The following CRYL1 variants were observed in gnomAD, a reference collection of about 807,000 sequenced individuals.
The protein encoded by CRYL1 is lambda-crystallin homolog.
In CRYL1, 29 loss-of-function variants were observed where a neutral mutation model predicts 36.6. The observed-to-expected ratio is 0.79, with a 90% CI of 0.59 to 1.08. The LOEUF is 1.08. CRYL1 is among the 50% of genes least tolerant of loss of function. The pLI is 0.00. For synonymous variants in CRYL1, 152 were observed against 151.5 expected (o/e 1.00, Z -0.02); for missense variants, 411 against 407.9 (o/e 1.01, Z -0.06).
intron 3 of CRYL1, among the ~76,000 whole-genome samples, chr13:20,466,501 CCA>C (rs1415884062): frequency 6.6e-6 from 1 of 152,062 alleles, no homozygotes; most frequent in African/African-American, 2.4e-5. Context: ...TACTTCACAT[CCA>C]CACACACGCA....
intron 1 of CRYL1, among the ~76,000 whole-genome samples, chr13:20,518,932 G>A (rs768815024): frequency 5.3e-5 from 8 of 152,226 alleles, no homozygotes; most frequent in Non-Finnish European, 1.0e-4. Flanking sequence ...ACTCTGCTGG[G>A]AAAGACTAGC....
intron 3 of CRYL1, among the ~76,000 whole-genome samples, chr13:20,459,914 C>A (rs2032772403): frequency 6.6e-6 from 1 of 152,302 alleles, no homozygotes; most frequent in South Asian, 2.1e-4. Context: ...GGAAAATTAT[C>A]TGAAGTAGAA....
intron 3 of CRYL1, among the ~76,000 whole-genome samples, chr13:20,474,353 C>T (rs547244850): frequency 6.6e-6 from 1 of 152,288 alleles, no homozygotes; most frequent in East Asian, 1.9e-4. Context: ...CCAGCCGTTG[C>T]TGCATAGGGA....
At chr13:20,461,384 C>T (rs543589365) in intron 3 of CRYL1, among the ~76,000 whole-genome samples, 1 of 152,342 alleles carries the variant, frequency 6.6e-6, no homozygotes, top group South Asian at 2.1e-4. Flanking sequence ...GGGACCTATG[C>T]TATCTTCTAG....
rs2031779409 is a variant in CRYL1 at position 20,420,698 on chromosome 13, A to G, written c.634-7311T>C. On this transcript the variant is annotated intron_variant, in intron 5 of 7. Transcript: ENST00000298248. ...TCCCTTTGACTTTTCTTTAAAATAG[A>G]GGTTGTGTGTGTGTGTGTGTGTGTG... 7.5e-4 allele frequency among the ~76,000 whole-genome samples: 17 copies of G among 22,690 alleles called. 2 individuals carry two copies. Among genetic ancestry groups the G allele is most frequent in the East Asian group, 1.2e-3 (1 of 844 alleles). The allele number at this position is 22,690 out of a possible 152,430, so 14.9% of individuals were successfully genotyped here.
chr13:20,447,177 A>G (rs554523128), intron 3 of CRYL1, among the ~76,000 whole-genome samples: 41 of 152,342 alleles, frequency 2.7e-4, no homozygotes, highest in Middle Eastern at 3.4e-3. Flanking sequence ...TAAAGTTCAA[A>G]TGTCCACAGG....
chr13:20,493,160 T>C (rs1294197108), intron 2 of CRYL1, among the ~76,000 whole-genome samples: 1 of 152,216 alleles, frequency 6.6e-6, no homozygotes, highest in Admixed American at 6.5e-5. Flanking sequence ...GCTGTGGCTG[T>C]CAAGCACCCC....
rs1278918205 is a variant in CRYL1, at chr13:20,413,163, C to CCAT, written c.739+116_739+118dup. On this transcript the variant is annotated intron_variant, in intron 6 of 7. Transcript: ENST00000298248. ...CTTGTCTGTGAATCACCAGGGCTGG[C>CCAT]CATCATCTCCTATATACTGTCTCTA... 4.7e-6 allele frequency: 3 copies of CCAT among 633,404 alleles called. No individual in the cohort carries two copies. The East Asian group carries it at 8.4e-5, about 18-fold the overall frequency. 39.2% of individuals were successfully genotyped at this position (633,404 alleles called of 1,614,324 possible).
At position 20,481,435 on chromosome 13, in the gene CRYL1, G is replaced by A. The variant is rs925290629; in HGVS notation, c.276+7935C>T. 1.3e-4 allele frequency among the ~76,000 whole-genome samples: 20 copies of A among 152,156 alleles called. No individual in the cohort carries two copies. The highest frequency in any genetic ancestry group is 4.6e-4 in the African/African-American group (19 of 41,430). ...CAGTGGTGGGCAAGGCCTGGGGAAC[G>A]GTGGGAGGAAATTAGCTGCAAAGGG... On this transcript the variant is annotated intron_variant, in intron 3 of 7. Transcript: ENST00000298248. The surrounding 1 kb of genome is among the most constrained non-coding windows in gnomAD (Gnocchi z 4.1).
chr13:20,405,629 G>A (rs897104249), intron 6 of CRYL1, among the ~76,000 whole-genome samples: 1 of 152,184 alleles, frequency 6.6e-6, no homozygotes, highest in African/African-American at 2.4e-5. Flanking sequence ...GGTGGATGGA[G>A]CCAGGCGCTC....
Position 20,413,372 on chromosome 13 carries a change from G to A in CRYL1, c.649C>T (p.Pro217Ser). ...WRLVEEGIVS[P>S]SDLDLVMSEG... ...GACATGACAAGGTCCAGGTCACTAG[G>A]AGACACGATTCCTTCCTACGTGGAG... Residue 217 changes from proline (P) to serine (S), a missense_variant, in exon 6 of 8, where the codon CCT becomes TCT. Transcript: ENST00000298248. The A allele has an allele frequency of 1.2e-6, 2 of 1,612,302 alleles. No individual in the cohort carries two copies. Among genetic ancestry groups the A allele is most frequent in the Non-Finnish European group, 1.7e-6 (2 of 1,178,806 alleles).
chr13:20,431,977 C>T (rs770313480), intron 5 of CRYL1, 125 bp downstream of exon 5: 5 of 1,560,540 alleles, frequency 3.2e-6, no homozygotes, highest in Non-Finnish European at 2.6e-6. Flanking sequence ...AAGCAAGCAG[C>T]CTCTGACTTT....
At chr13:20,460,607 G>A (rs1318133487) in intron 3 of CRYL1, among the ~76,000 whole-genome samples, 3 of 125,010 alleles carry the variant, frequency 2.4e-5, no homozygotes, top group Admixed American at 1.1e-4. Flanking sequence ...CTCACTGCAA[G>A]CTCCGCCACC....
Position 20,435,127 on chromosome 13 carries a change from G to C in CRYL1, c.439-2831C>G, listed in dbSNP as rs115602175. On this transcript the variant is annotated intron_variant, in intron 4 of 7. Coordinates refer to ENST00000298248, the MANE Select transcript of CRYL1 (RefSeq NM_015974.3). This position sits in a 1 kb window ranked among gnomAD's most constrained non-coding sequence, Gnocchi z 4.0. ...GTCTTATAAGAGGAGAAAGTTCCAT[G>C]GATTGTTGGTGGTGGTGGCTGCACA... 6.6e-6 allele frequency among the ~76,000 whole-genome samples: 1 copy of C among 152,160 alleles called. No homozygotes were observed. Among genetic ancestry groups the C allele is most frequent in the Non-Finnish European group, 1.5e-5 (1 of 68,040 alleles).
intron 2 of CRYL1, among the ~76,000 whole-genome samples, chr13:20,493,113 A>G (rs896928571): frequency 1.3e-5 from 2 of 152,224 alleles, no homozygotes; most frequent in African/African-American, 4.8e-5. Context: ...GGCTGTTACA[A>G]TCGAAGCTCT....
intron 4 of CRYL1, 41 bp downstream of exon 4, chr13:20,439,551 TG>T: frequency 1.2e-6 from 1 of 857,860 alleles, no homozygotes; most frequent in Non-Finnish European, 1.5e-6. Context: ...AAACACAGAA[TG>T]AGATGAGATA....
intron 2 of CRYL1, among the ~76,000 whole-genome samples, chr13:20,497,698 T>C (rs1349459276): frequency 6.8e-6 from 1 of 147,224 alleles, no homozygotes; most frequent in Non-Finnish European, 1.5e-5. Context: ...ACACACCACA[T>C]ATATGCCCTA....
intron 3 of CRYL1, among the ~76,000 whole-genome samples, chr13:20,482,601 C>T (rs759712558): frequency 3.9e-5 from 6 of 152,366 alleles, no homozygotes; most frequent in Non-Finnish European, 7.3e-5. Context: ...CGTCCTGACC[C>T]AGGCTCCCCG....
chr13:20,479,267 A>G (rs1014901474), intron 3 of CRYL1, among the ~76,000 whole-genome samples: 2 of 152,232 alleles, frequency 1.3e-5, no homozygotes, highest in Non-Finnish European at 2.9e-5. Flanking sequence ...AGCAGACCCA[A>G]CACTGGCAAG....
Sources: allele counts gnomAD v4.1 joint callset (sites outside exome capture counted in the v4.1 genomes callset), GRCh38; gene constraint gnomAD v4.1.1; non-coding constraint Gnocchi (gnomAD v3.1); transcripts MANE v1.5; gene names NCBI Gene and HGNC (gene_info 2026-07-23, HGNC 2026-07-21).